Variants in C3orf20 observed in about 807,000 individuals in gnomAD.
C3orf20 encodes the protein family with sequence similarity 149 member C.
A neutral mutation model predicts 88.3 loss-of-function variants in C3orf20; 76 were observed. The observed-to-expected ratio is 0.86, with a 90% CI of 0.72 to 1.04. C3orf20 has a LOEUF of 1.04. C3orf20 is among the 50% of genes least tolerant of loss of function. The pLI is 0.00. For missense variants in C3orf20, 1,056 were observed against 1,123.3 expected, an observed-to-expected ratio of 0.94 and a Z score of 0.86; for synonymous variants, 436 against 437.4, an observed-to-expected ratio of 1.00 and a Z score of 0.04.
intron 3 of C3orf20, 38 bp from the exon 4 acceptor site, chr3:14,684,204 C>A: frequency 6.2e-7 from 1 of 1,610,144 alleles, no homozygotes; most frequent in Non-Finnish European, 8.5e-7. Flanking sequence ...TAGCCCCATG[C>A]TAGGAGGGAC....
At position 14,690,057 on chromosome 3, in the gene C3orf20, C is replaced by T; in HGVS notation, c.686C>T (p.Ser229Phe). The T allele has an allele frequency of 6.2e-7, 1 of 1,614,238 alleles. No homozygotes were observed. ...TCGCCTTACCAGCTGATCTACCACT[C>T]TTCCACAGCCTGTCTGAGCTTTTCT... Reference protein sequence around the residue: ...VNSPYQLIYHSSTACLSFSLS... With the variant: ...VNSPYQLIYHFSTACLSFSLS... The change falls in exon 5 of 17, where the codon TCT (serine) becomes TTT (phenylalanine). Residue 229 changes from serine to phenylalanine, a missense_variant. Ser to Phe is a radical substitution (Grantham distance 155). Transcript: ENST00000253697.
intron 1 of C3orf20, among the ~76,000 whole-genome samples, chr3:14,678,496 G>A (rs1034633029): frequency 1.3e-5 from 2 of 152,158 alleles, no homozygotes; most frequent in Non-Finnish European, 2.9e-5. Flanking sequence ...TGAGCCCCTC[G>A]AGAGCAGGGC....
intron 15 of C3orf20, among the ~76,000 whole-genome samples, chr3:14,762,376 A>C (rs1360318429): frequency 2.6e-5 from 4 of 152,338 alleles, no homozygotes; most frequent in African/African-American, 9.6e-5. Flanking sequence ...CCTAGCTTTG[A>C]GTGGCTCAAG....
intron 15 of C3orf20, among the ~76,000 whole-genome samples, chr3:14,766,043 C>T (rs966059347): frequency 4.6e-5 from 7 of 152,144 alleles, no homozygotes; most frequent in Non-Finnish European, 7.4e-5. Context: ...CTGGGAGTGG[C>T]GGGCCCAGTG....
intron 15 of C3orf20, among the ~76,000 whole-genome samples, chr3:14,769,138 C>A (rs1235789830): frequency 1.3e-5 from 2 of 152,044 alleles, no homozygotes; most frequent in Admixed American, 1.3e-4. Context: ...ACTTGCAGGG[C>A]AAATTCATAG....
intron 7 of C3orf20, among the ~76,000 whole-genome samples, chr3:14,705,089 C>T (rs990414773): frequency 6.6e-6 from 1 of 152,214 alleles, no homozygotes; most frequent in Non-Finnish European, 1.5e-5. Context: ...GAGACCTCAC[C>T]CCAAATGCGC....
chr3:14,721,731 A>G lies in C3orf20; in HGVS notation c.1513A>G (p.Thr505Ala). 1 of 1,614,228 alleles carries G rather than the reference A, an allele frequency of 6.2e-7. No homozygotes were observed. Among genetic ancestry groups the G allele is most frequent in the Non-Finnish European group, 8.5e-7 (1 of 1,180,026 alleles). The change falls in exon 10 of 17, where the codon ACA becomes GCA. Residue 505 changes from threonine to alanine, a missense_variant. Transcript: ENST00000253697. Reference sequence around the variant, plus strand: ...CTTCACCTCCCTGAATGAGACAGTAACACTCACTGTGTCGGCCAACAATTG... The same window carrying G: ...CTTCACCTCCCTGAATGAGACAGTAGCACTCACTGTGTCGGCCAACAATTG... Reference protein sequence around the residue: ...VTFTSLNETVTLTVSANNCPH... With the variant: ...VTFTSLNETVALTVSANNCPH...
Position 14,688,707 on chromosome 3 carries a change from G to A in C3orf20, c.626-1290G>A, listed in dbSNP as rs749444729. 3.3e-4 allele frequency among the ~76,000 whole-genome samples: 50 copies of A among 152,006 alleles called. 1 individual carries two copies. Among genetic ancestry groups the A allele is most frequent in the Middle Eastern group, 3.4e-3 (1 of 294 alleles). ...TGACGACAATATCATTAATAAAAAT[G>A]CAAAAAAGAGGAAGCAATCCTGCCA... On this transcript the variant is annotated intron_variant, in intron 4 of 16. Transcript: ENST00000253697.
chr3:14,713,956 G>C, intron 7 of C3orf20, 51 bp from the exon 8 acceptor site: 10 of 1,605,770 alleles, frequency 6.2e-6, no homozygotes, highest in Non-Finnish European at 8.5e-6. Flanking sequence ...GGACAACTGA[G>C]AGCAGAACCA....
intron 14 of C3orf20, among the ~76,000 whole-genome samples, chr3:14,761,253 A>G (rs566307651): frequency 6.9e-6 from 1 of 144,512 alleles, no homozygotes; most frequent in East Asian, 2.4e-4. Context: ...GGGCAACCCC[A>G]CCGTCCCAGC....
chr3:14,745,060 C>T (rs1409968019), intron 12 of C3orf20, among the ~76,000 whole-genome samples: 2 of 152,198 alleles, frequency 1.3e-5, no homozygotes, highest in African/African-American at 2.4e-5. Flanking sequence ...TTCCAGATAT[C>T]CTCAGGGACA....
rs146555881 is a variant in C3orf20, at chr3:14,713,942, A to G, written c.1161-65A>G. On this transcript the variant is annotated intron_variant, in intron 7 of 16. Coordinates refer to ENST00000253697, the MANE Select transcript of C3orf20 (RefSeq NM_032137.5). ...ACACTTTGACATGTGGACTTGCTTC[A>G]ATGGGACAACTGAGAGCAGAACCAG... is the stretch of plus-strand genomic sequence containing the variant. The G allele has an allele frequency of 2.2e-4, 349 of 1,579,406 alleles. 5 individuals are homozygous for G. In the South Asian group the frequency reaches 2.6e-3, roughly 12 times the overall value.
At position 14,704,473 on chromosome 3, in the gene C3orf20, C is replaced by T; in HGVS notation, c.1015C>T (p.Pro339Ser). The part of the protein sequence containing the change: ...DSQTPGLHYP[P>S]TAGAQTLSPT... ...TCAGACCCCGGGTTTACATTACCCT[C>T]CCACTGCAGGTGCTCAGACTCTCAG... Residue 339 changes from proline to serine, a missense_variant, in exon 7 of 17, where the codon CCC (proline) becomes TCC (serine). Coordinates refer to ENST00000253697, the MANE Select transcript of C3orf20 (RefSeq NM_032137.5). 1 of 1,614,164 alleles carries T rather than the reference C, an allele frequency of 6.2e-7. No individual in the cohort carries two copies. The highest frequency in any genetic ancestry group is 1.1e-5 in the South Asian group (1 of 91,074).
At chr3:14,689,961 C>T (rs761155697) in intron 4 of C3orf20, 36 bp from the exon 5 acceptor site, 24 of 1,613,162 alleles carry the variant, frequency 1.5e-5, no homozygotes, top group Non-Finnish European at 1.9e-5. Context: ...TAAAAGTAAA[C>T]AGTTGAAAGA....
At chr3:14,714,754 G>C (rs1446181303) in intron 8 of C3orf20, among the ~76,000 whole-genome samples, 1 of 152,056 alleles carries the variant, frequency 6.6e-6, no homozygotes. Context: ...ACAGACATGT[G>C]CCACAATGCC....
intron 9 of C3orf20, 92 bp from the exon 10 acceptor site, chr3:14,721,561 C>T: frequency 6.5e-7 from 1 of 1,527,264 alleles, no homozygotes; most frequent in Non-Finnish European, 8.9e-7. Flanking sequence ...TGCCCCAAGC[C>T]AACAGGGGCT....
chr3:14,748,567 T>C (rs1008164946), intron 12 of C3orf20, among the ~76,000 whole-genome samples: 4 of 152,198 alleles, frequency 2.6e-5, no homozygotes, highest in African/African-American at 7.2e-5. Flanking sequence ...GATTTTCTTC[T>C]CTTTTAATGT....
At chr3:14,707,005 T>A (rs2033531236) in intron 7 of C3orf20, among the ~76,000 whole-genome samples, 1 of 151,896 alleles carries the variant, frequency 6.6e-6, no homozygotes, top group Non-Finnish European at 1.5e-5. Flanking sequence ...ATCCCAGCAG[T>A]TTGGGAGTCC....
intron 8 of C3orf20, 134 bp downstream of exon 8, chr3:14,714,293 G>A (rs531407942): frequency 1.0e-6 from 1 of 975,524 alleles, no homozygotes; most frequent in South Asian, 1.5e-5. Flanking sequence ...AAGGCAGTGA[G>A]GCAGGGCTGA....
Sources: allele counts gnomAD v4.1 joint callset (sites outside exome capture counted in the v4.1 genomes callset), GRCh38; gene constraint gnomAD v4.1.1; transcripts MANE v1.5; gene names NCBI Gene and HGNC (gene_info 2026-07-23, HGNC 2026-07-21).